DNAH11: variants seen among roughly 807,000 people sequenced by gnomAD.
DNAH11 encodes the protein axonemal beta dynein heavy chain 11.
Under a neutral mutation model 526.0 loss-of-function variants are expected in DNAH11, and 442 were observed. That is an observed-to-expected ratio of 0.84 (90% CI 0.78 to 0.91). The LOEUF is 0.91. DNAH11 is among the 40% of genes least tolerant of loss of function. DNAH11 has a pLI of 0.00. For missense variants in DNAH11, 6,989 were observed against 5,448.7 expected (o/e 1.28, Z -8.90); for synonymous variants, 2,461 against 1,935.9 (o/e 1.27, Z -7.12).
intron 3 of DNAH11, among the ~76,000 whole-genome samples, 175 bp downstream of exon 3, chr7:21,559,173 A>G (rs931155516): frequency 4.6e-5 from 7 of 152,220 alleles, no homozygotes; most frequent in African/African-American, 7.2e-5. Flanking sequence ...ATAAAATAAA[A>G]TGGAAAGTGA....
intron 54 of DNAH11, among the ~76,000 whole-genome samples, chr7:21,760,185 CT>C (rs1187410079): frequency 1.3e-5 from 2 of 152,126 alleles, no homozygotes; most frequent in East Asian, 3.9e-4. Flanking sequence ...TAGATGACAT[CT>C]GTTGAGTGAG....
rs1448576956 is a variant in DNAH11, at chr7:21,713,255, ACACT to A, written c.6983+1397_6983+1400del. Among the ~76,000 whole-genome samples the A allele has an allele frequency of 9.9e-5, 15 of 152,224 alleles. No homozygotes were observed. In the East Asian group the frequency reaches 1.9e-3, roughly 20 times the overall value. ...ATCTTCTGTTTACCTCTCTGGACACACACTCCATCCTTCTCACCCTCTTCTGTGG... is the reference window on the plus strand; with the variant it reads ...ATCTTCTGTTTACCTCTCTGGACACACCATCCTTCTCACCCTCTTCTGTGG... On this transcript the variant is annotated intron_variant, in intron 42 of 81. Transcript: ENST00000409508.
rs796740933 is a variant in DNAH11, at chr7:21,890,915, CAAAATA to C, written c.12508-1492_12508-1487del. On this transcript the variant is annotated intron_variant, in intron 76 of 81. Transcript: ENST00000409508. The stretch of plus-strand genomic sequence containing the variant: ...AGATAACTTGAAAATCCTCCCGGTA[CAAAATA>C]AAAATAAAAATAAAAATGCTGTGTC... 1.4e-4 allele frequency among the ~76,000 whole-genome samples: 22 copies of C among 152,024 alleles called. 1 individual carries two copies. In the South Asian group the frequency reaches 4.2e-3, roughly 29 times the overall value.
At chr7:21,570,036 T>G (rs1452885789) in intron 6 of DNAH11, 33 bp from the exon 7 acceptor site, 2 of 1,489,688 alleles carry the variant, frequency 1.3e-6, no homozygotes, top group African/African-American at 2.8e-5. Context: ...TTAAACATAG[T>G]TTTGATCATT....
chr7:21,880,579 G>A, intron 74 of DNAH11, 123 bp from the exon 75 acceptor site: 1 of 952,442 alleles, frequency 1.0e-6, no homozygotes, highest in South Asian at 1.6e-5. Context: ...AAGTAGCCAT[G>A]CTGAAGACTG....
chr7:21,770,279 C>T (rs1377689588), intron 55 of DNAH11, among the ~76,000 whole-genome samples: 1 of 152,138 alleles, frequency 6.6e-6, no homozygotes, highest in African/African-American at 2.4e-5. Context: ...AATCTAAACA[C>T]AAAATTCATT....
intron 77 of DNAH11, among the ~76,000 whole-genome samples, chr7:21,894,168 C>T (rs778266481): frequency 9.2e-5 from 14 of 152,112 alleles, no homozygotes; most frequent in South Asian, 8.4e-4. Context: ...GGATTACAGG[C>T]GTGAGCCACT....
chr7:21,570,972 G>T (rs570616934), intron 7 of DNAH11, among the ~76,000 whole-genome samples: 5 of 151,850 alleles, frequency 3.3e-5, no homozygotes, highest in African/African-American at 9.7e-5. Flanking sequence ...ATTGATAAAG[G>T]TTTGTTTTAT....
At position 21,543,541 on chromosome 7, in the gene DNAH11, C is replaced by T; in HGVS notation, c.296C>T (p.Pro99Leu). The T allele has an allele frequency of 6.2e-7, 1 of 1,609,392 alleles. No homozygotes were observed. The highest frequency in any genetic ancestry group is 1.3e-5 in the African/African-American group (1 of 75,022). ...GGGGAGTTTCTGGAAAGCACCAGCC[C>T]GGCTTGCCTTGTGTTTAGCTTCGCC... is the stretch of plus-strand genomic sequence containing the variant. ...VLGEFLESTS[P>L]ACLVFSFAAS... The change falls in exon 1 of 82, where the codon CCG becomes CTG. Residue 99 changes from proline (P) to leucine (L), a missense_variant. By Grantham distance (98) the Pro-to-Leu change is moderately conservative. Transcript: ENST00000409508.
At chr7:21,606,948 C>A (rs1785314170) in intron 20 of DNAH11, among the ~76,000 whole-genome samples, 1 of 152,056 alleles carries the variant, frequency 6.6e-6, no homozygotes, top group Non-Finnish European at 1.5e-5. Context: ...TTAGGGTTCT[C>A]TAGAGGGACA....
At position 21,733,973 on chromosome 7, in the gene DNAH11, A is replaced by C. The variant is rs545519213; in HGVS notation, c.7441-1667A>C. 7.2e-5 allele frequency among the ~76,000 whole-genome samples: 11 copies of C among 152,276 alleles called. No homozygotes were observed. The South Asian group carries it at 2.1e-3, about 29-fold the overall frequency. ...GAGTTTTGGGAACATTGGACTTTGA[A>C]TTTTAAAACTGGGAAATCCTGAGCA... On this transcript the variant is annotated intron_variant, in intron 45 of 81. Coordinates refer to ENST00000409508, the MANE Select transcript of DNAH11 (RefSeq NM_001277115.2).
chr7:21,563,003 T>C (rs1317133787), intron 5 of DNAH11, among the ~76,000 whole-genome samples: 2 of 152,136 alleles, frequency 1.3e-5, no homozygotes, highest in African/African-American at 4.8e-5. Flanking sequence ...TGTTCCCTAC[T>C]TTCATAATAA....
intron 28 of DNAH11, among the ~76,000 whole-genome samples, chr7:21,645,635 T>C (rs1392931950): frequency 6.6e-6 from 1 of 151,982 alleles, no homozygotes; most frequent in Non-Finnish European, 1.5e-5. Flanking sequence ...CTAAGGTGGA[T>C]TGGATAGAAA....
chr7:21,696,394 C>T (rs775756780), intron 35 of DNAH11, among the ~76,000 whole-genome samples: 1 of 152,116 alleles, frequency 6.6e-6, no homozygotes, highest in African/African-American at 2.4e-5. Flanking sequence ...ATTGTGCTAA[C>T]ATCTTGTATT....
intron 22 of DNAH11, among the ~76,000 whole-genome samples, chr7:21,617,175 T>C (rs1172126251): frequency 6.6e-6 from 1 of 152,202 alleles, no homozygotes; most frequent in Non-Finnish European, 1.5e-5. Context: ...TTTAAGATGA[T>C]GAAATATTTA....
chr7:21,574,947 T>C (rs1056680643), intron 8 of DNAH11, among the ~76,000 whole-genome samples: 2 of 133,296 alleles, frequency 1.5e-5, no homozygotes, highest in South Asian at 2.6e-4. Flanking sequence ...TGATCTCAGC[T>C]CACTGCAACC....
At chr7:21,610,734 A>G (rs1204836869) in intron 20 of DNAH11, among the ~76,000 whole-genome samples, 1 of 152,192 alleles carries the variant, frequency 6.6e-6, no homozygotes, top group Non-Finnish European at 1.5e-5. Flanking sequence ...AACTCAGCAG[A>G]TGGGTTAAAG....
intron 54 of DNAH11, among the ~76,000 whole-genome samples, chr7:21,763,825 T>TAC (rs1283121146): frequency 2.0e-5 from 3 of 148,392 alleles, no homozygotes; most frequent in African/African-American, 7.5e-5. Context: ...TATATATACA[T>TAC]ATATATATAT....
chr7:21,784,656 A>G (rs1788096287), intron 58 of DNAH11, 116 bp downstream of exon 58: 1 of 654,762 alleles, frequency 1.5e-6, no homozygotes, highest in Non-Finnish European at 2.5e-6. Context: ...TTTTAAAAGG[A>G]AAGAAGCACC....
Sources: allele counts gnomAD v4.1 joint callset (sites outside exome capture counted in the v4.1 genomes callset), GRCh38; gene constraint gnomAD v4.1.1; transcripts MANE v1.5; gene names NCBI Gene and HGNC (gene_info 2026-07-23, HGNC 2026-07-21).